The following SLC23A2 variants were observed in gnomAD, a reference collection of about 807,000 sequenced individuals.
SLC23A2 encodes Na(+)/L-ascorbic acid transporter 2.
In SLC23A2, 36 loss-of-function variants were observed where a neutral mutation model predicts 73.3. The observed-to-expected ratio is 0.49, with a 90% CI of 0.38 to 0.65. SLC23A2 has a LOEUF of 0.65. Among genes scored for constraint, SLC23A2 ranks in the 30% least tolerant of loss-of-function variants. The probability of loss-of-function intolerance (pLI) is 0.00; values close to 1 mark genes in which losing one functional copy is unlikely to be tolerated. For synonymous variants in SLC23A2, 343 were observed against 327.3 expected (o/e 1.05, Z -0.52); for missense variants, 507 against 841.6 (o/e 0.60, Z 4.92).
chr20:4,924,473 G>A (rs1932605052), intron 3 of SLC23A2, among the ~76,000 whole-genome samples: 1 of 152,212 alleles, frequency 6.6e-6, no homozygotes, highest in African/African-American at 2.4e-5. Flanking sequence ...GCTGCTGTCA[G>A]CACACCTGTC....
At chr20:4,881,787 T>C (rs914996922) in intron 9 of SLC23A2, among the ~76,000 whole-genome samples, 1 of 152,260 alleles carries the variant, frequency 6.6e-6, no homozygotes, top group Non-Finnish European at 1.5e-5. Context: ...CTCTGGCTAC[T>C]AAGTGTGACT....
At chr20:4,860,827 G>T (rs997646185) in intron 15 of SLC23A2, among the ~76,000 whole-genome samples, 1 of 152,216 alleles carries the variant, frequency 6.6e-6, no homozygotes, top group Non-Finnish European at 1.5e-5. Context: ...GATCACTTGA[G>T]GTCAGGAGTT....
intron 1 of SLC23A2, among the ~76,000 whole-genome samples, chr20:4,985,233 C>G (rs934170260): frequency 6.6e-6 from 1 of 151,534 alleles, no homozygotes; most frequent in African/African-American, 2.4e-5. Context: ...GATGATCACA[C>G]AAAAACTTGT....
chr20:5,009,946 T>G (rs751286186), intron 1 of SLC23A2, among the ~76,000 whole-genome samples: 182 of 151,972 alleles, frequency 1.2e-3, no homozygotes, highest in Admixed American at 1.8e-3. Context: ...TTACAAAAAA[T>G]TAGCCGGGCG....
rs111565515 is a variant in SLC23A2 at position 4,879,408 on chromosome 20, CAAAAAAAAAAA to C, written c.824+4223_824+4233del. Among the ~76,000 whole-genome samples the C allele has an allele frequency of 1.4e-4, 6 of 43,008 alleles. 1 individual carries two copies. Among genetic ancestry groups the C allele is most frequent in the South Asian group, 1.0e-3 (1 of 986 alleles). The allele number at this position is 43,008 out of a possible 152,430, so 28.2% of individuals were successfully genotyped here. A position where few individuals can be genotyped will look rare whatever the true frequency, so the allele number is the denominator to read the frequency against. On this transcript the variant is annotated intron_variant, in intron 9 of 16. Transcript: ENST00000338244. ...GGGCAACCAGAGTAAAACTCTGTCT[CAAAAAAAAAAA>C]AAAAAAAAAAAAAATCCTCCTATTC...
chr20:4,857,298 AC>A lies in SLC23A2; in HGVS notation c.1721-95del. ...GTCAAACACATACACACACACACAC[AC>A]ACACACACACACACACACACACACA... is the stretch of plus-strand genomic sequence containing the variant. On this transcript the variant is annotated intron_variant, in intron 16 of 16. Coordinates refer to ENST00000338244, the MANE Select transcript of SLC23A2 (RefSeq NM_005116.6). This position sits in a 1 kb window ranked among gnomAD's most constrained non-coding sequence, Gnocchi z 4.0. The A allele has an allele frequency of 2.6e-6, 1 of 391,068 alleles. No individual in the cohort carries two copies. Among genetic ancestry groups the A allele is most frequent in the Non-Finnish European group, 4.5e-6 (1 of 223,408 alleles). 24.2% of individuals were successfully genotyped at this position (391,068 alleles called of 1,614,324 possible).
chr20:4,921,878 A>G (rs779505900), intron 3 of SLC23A2, among the ~76,000 whole-genome samples: 3 of 152,150 alleles, frequency 2.0e-5, no homozygotes, highest in Non-Finnish European at 2.9e-5. Flanking sequence ...TTTCACCCCA[A>G]CAATGTAGTT....
At chr20:4,974,063 A>C (rs971873494) in intron 1 of SLC23A2, among the ~76,000 whole-genome samples, 2 of 152,230 alleles carry the variant, frequency 1.3e-5, no homozygotes, top group African/African-American at 4.8e-5. Flanking sequence ...AAAAGCAGGA[A>C]GGAGAGAATG....
At position 4,883,952 on chromosome 20, in the gene SLC23A2, T is replaced by G. The variant is rs1035067656; in HGVS notation, c.643-129A>C. 3.0e-6 allele frequency: 2 copies of G among 660,892 alleles called. No homozygotes were observed. The highest frequency in any genetic ancestry group is 1.9e-5 in the African/African-American group (1 of 53,252). 40.9% of individuals were successfully genotyped at this position (660,892 alleles called of 1,614,324 possible). ...ATTACATCATCTAACTTGGGAGAGATAGCTAGAAAATTCCCCAGGACCCGA... is the reference window on the plus strand; with the variant it reads ...ATTACATCATCTAACTTGGGAGAGAGAGCTAGAAAATTCCCCAGGACCCGA... On this transcript the variant is annotated intron_variant, in intron 8 of 16. Transcript: ENST00000338244. The surrounding 1 kb of genome is among the most constrained non-coding windows in gnomAD (Gnocchi z 4.5).
chr20:5,002,689 T>G (rs1435202231), upstream of SLC23A2, among the ~76,000 whole-genome samples: 1 of 152,240 alleles, frequency 6.6e-6, no homozygotes, highest in East Asian at 1.9e-4. Flanking sequence ...TTGACAATAA[T>G]GTGTCTTCCC....
intron 6 of SLC23A2, among the ~76,000 whole-genome samples, chr20:4,887,483 A>C (rs943723380): frequency 6.6e-6 from 1 of 152,224 alleles, no homozygotes. Context: ...GCCATCACAC[A>C]TCACACTGTG....
intron 2 of SLC23A2, among the ~76,000 whole-genome samples, chr20:4,968,488 G>A (rs1001154146): frequency 6.6e-6 from 1 of 152,118 alleles, no homozygotes; most frequent in East Asian, 1.9e-4. Flanking sequence ...TCCACCACAG[G>A]ATAATCTCAA....
At chr20:4,987,272 T>A (rs1466795857) in intron 1 of SLC23A2, among the ~76,000 whole-genome samples, 1 of 152,144 alleles carries the variant, frequency 6.6e-6, no homozygotes, top group East Asian at 1.9e-4. Flanking sequence ...CCATCAAACT[T>A]CTCTGAGGGA....
At chr20:4,966,042 T>G (rs1368644084) in intron 2 of SLC23A2, among the ~76,000 whole-genome samples, 1 of 151,108 alleles carries the variant, frequency 6.6e-6, no homozygotes, top group African/African-American at 2.4e-5. Flanking sequence ...TACTCCAGCT[T>G]GGATAACAGA....
At chr20:4,914,223 T>C (rs1932250785) in intron 3 of SLC23A2, among the ~76,000 whole-genome samples, 1 of 150,872 alleles carries the variant, frequency 6.6e-6, no homozygotes, top group Non-Finnish European at 1.5e-5. Flanking sequence ...CTCAAACCAA[T>C]AATAAAACCA....
Position 4,961,095 on chromosome 20 carries a change from T to C in SLC23A2, c.-155+9698A>G, listed in dbSNP as rs1272519942. 2.0e-5 allele frequency among the ~76,000 whole-genome samples: 3 copies of C among 151,696 alleles called. No individual in the cohort carries two copies. The East Asian group carries it at 5.8e-4, about 29-fold the overall frequency. On this transcript the variant is annotated intron_variant, in intron 2 of 16. Coordinates refer to ENST00000338244, the MANE Select transcript of SLC23A2 (RefSeq NM_005116.6). Reference sequence around the variant, plus strand: ...GCACATTCTGATTACACATCCTTTTTTTTTTTTCTTTTTCTTTTTTTTTTT... The same window carrying C: ...GCACATTCTGATTACACATCCTTTTCTTTTTTTCTTTTTCTTTTTTTTTTT...
upstream of SLC23A2, among the ~76,000 whole-genome samples, chr20:5,001,792 A>G (rs2088132330): frequency 6.6e-6 from 1 of 151,706 alleles, no homozygotes; most frequent in African/African-American, 2.4e-5. Flanking sequence ...CCTGGCAAGC[A>G]GAGCGCTGGT....
At chr20:4,905,504 C>T (rs889567138) in intron 4 of SLC23A2, among the ~76,000 whole-genome samples, 3 of 152,214 alleles carry the variant, frequency 2.0e-5, no homozygotes, top group Non-Finnish European at 2.9e-5. Flanking sequence ...TAAATAATTA[C>T]GTCACTTTAC....
intron 3 of SLC23A2, among the ~76,000 whole-genome samples, chr20:4,923,250 G>C (rs1031631825): frequency 7.1e-6 from 1 of 140,044 alleles, no homozygotes; most frequent in Admixed American, 7.2e-5. Context: ...TGAAGGGAGG[G>C]AGGCAGGGAG....
Sources: allele counts gnomAD v4.1 joint callset (sites outside exome capture counted in the v4.1 genomes callset), GRCh38; gene constraint gnomAD v4.1.1; non-coding constraint Gnocchi (gnomAD v3.1); transcripts MANE v1.5; gene names NCBI Gene and HGNC (gene_info 2026-07-23, HGNC 2026-07-21).